The following CSNK1A1 variants were observed in gnomAD, a reference collection of about 807,000 sequenced individuals.
CSNK1A1 encodes the protein casein kinase I isoform alpha.
A neutral mutation model predicts 46.1 loss-of-function variants in CSNK1A1; 7 were observed. The ratio of observed to expected loss-of-function variants is 0.15; its 90% CI spans 0.09 to 0.29. The LOEUF (loss-of-function observed/expected upper bound fraction) is 0.29, where lower values mean the gene tolerates loss of function less well. CSNK1A1 is among the 10% of genes least tolerant of loss of function. CSNK1A1 has a pLI of 1.00. For synonymous variants in CSNK1A1, 137 were observed against 141.5 expected (o/e 0.97, Z 0.23); for missense variants, 96 against 417.1 (o/e 0.23, Z 6.71).
In CSNK1A1 at chr5:149,517,538, T is replaced by C. The variant is rs1761439579; in HGVS notation, c.456+2752A>G. Among the ~76,000 whole-genome samples the C allele has an allele frequency of 6.6e-6, 1 of 152,194 alleles. No individual in the cohort carries two copies. Among genetic ancestry groups the C allele is most frequent in the African/African-American group, 2.4e-5 (1 of 41,452 alleles). ...CAACATCATTTCCTCATATGTATGT[T>C]AGAGAGCTAAACATAATATCCTATT... is the stretch of plus-strand genomic sequence containing the variant. On this transcript the variant is annotated intron_variant, in intron 4 of 9. Transcript: ENST00000377843. The surrounding 1 kb of genome is among the most constrained non-coding windows in gnomAD (Gnocchi z 4.4).
intron 2 of CSNK1A1, among the ~76,000 whole-genome samples, chr5:149,535,194 T>C (rs1473445971): frequency 2.0e-5 from 3 of 152,158 alleles, no homozygotes; most frequent in Non-Finnish European, 4.4e-5. Context: ...AACAGCCCAT[T>C]ATCCTGACTC....
At chr5:149,529,686 G>C (rs971233693) in intron 2 of CSNK1A1, 1 of 456,134 alleles carries the variant, frequency 2.2e-6, no homozygotes. Context: ...CTGCAGTATA[G>C]GTTCTTCAGT....
At chr5:149,530,093 T>TA (rs951335661) in intron 2 of CSNK1A1, among the ~76,000 whole-genome samples, 51 of 148,738 alleles carry the variant, frequency 3.4e-4, no homozygotes, top group African/African-American at 6.4e-4. Flanking sequence ...AAAATAACAG[T>TA]AAAAAAAAAA....
chr5:149,499,548 A>C (rs934607469), intron 9 of CSNK1A1, among the ~76,000 whole-genome samples: 2 of 152,124 alleles, frequency 1.3e-5, no homozygotes, highest in Non-Finnish European at 2.9e-5. Flanking sequence ...GATCACTTAA[A>C]GCCAGGAGTT....
chr5:149,508,851 G>A (rs1302703761), intron 7 of CSNK1A1, among the ~76,000 whole-genome samples: 1 of 152,140 alleles, frequency 6.6e-6, no homozygotes, highest in African/African-American at 2.4e-5. Flanking sequence ...AGATTAGAGA[G>A]CCCTAACAAA....
At chr5:149,515,311 A>T (rs998095122) in intron 4 of CSNK1A1, among the ~76,000 whole-genome samples, 2 of 152,202 alleles carry the variant, frequency 1.3e-5, no homozygotes, top group African/African-American at 4.8e-5. Flanking sequence ...TCATGTCTAA[A>T]TCTACATTCA....
chr5:149,508,453 G>A (rs1761106555), intron 7 of CSNK1A1, among the ~76,000 whole-genome samples: 1 of 151,948 alleles, frequency 6.6e-6, no homozygotes, highest in Admixed American at 6.6e-5. Flanking sequence ...TTTGTATACT[G>A]CTTTGTACTT....
At chr5:149,541,160 T>C (rs1458194389) in intron 2 of CSNK1A1, among the ~76,000 whole-genome samples, 9 of 149,450 alleles carry the variant, frequency 6.0e-5, no homozygotes, top group African/African-American at 2.0e-4. Flanking sequence ...CCAATTTTGT[T>C]TTTTTTTTTT....
At position 149,525,293 on chromosome 5, in the gene CSNK1A1, C is replaced by T; in HGVS notation, c.231-122G>A. On this transcript the variant is annotated intron_variant, in intron 2 of 9. Transcript: ENST00000377843. The surrounding 1 kb of genome is among the most constrained non-coding windows in gnomAD (Gnocchi z 4.2). ...ATTATATAAGGCGAATGTTCCCCTA[C>T]TCAGAAGACAAACCCACTAATTAAC... is the stretch of plus-strand genomic sequence containing the variant. 9.7e-7 allele frequency: 1 copy of T among 1,028,914 alleles called. No homozygotes were observed. Among genetic ancestry groups the T allele is most frequent in the Non-Finnish European group, 1.3e-6 (1 of 748,606 alleles). 63.7% of individuals were successfully genotyped at this position (1,028,914 alleles called of 1,614,324 possible).
At chr5:149,527,782 T>C (rs1025124387) in intron 2 of CSNK1A1, among the ~76,000 whole-genome samples, 5 of 152,166 alleles carry the variant, frequency 3.3e-5, no homozygotes, top group African/African-American at 1.2e-4. Flanking sequence ...CCTAGGCTTT[T>C]AAGAAAACGA....
At chr5:149,548,937 G>C (rs1762569235) in intron 2 of CSNK1A1, among the ~76,000 whole-genome samples, 1 of 152,182 alleles carries the variant, frequency 6.6e-6, no homozygotes, top group South Asian at 2.1e-4. Context: ...ATTATTGCTG[G>C]AAAATAGCTG....
intron 7 of CSNK1A1, among the ~76,000 whole-genome samples, chr5:149,507,569 C>T (rs984011104): frequency 1.3e-5 from 2 of 152,080 alleles, no homozygotes; most frequent in Admixed American, 1.3e-4. Context: ...TCAAGCGATC[C>T]TCCAACCTCA....
At chr5:149,542,439 C>G (rs1357503745) in intron 2 of CSNK1A1, among the ~76,000 whole-genome samples, 1 of 142,096 alleles carries the variant, frequency 7.0e-6, no homozygotes, top group Non-Finnish European at 1.5e-5. Flanking sequence ...CCCACCCCCA[C>G]CCCACCCCCT....
intron 2 of CSNK1A1, among the ~76,000 whole-genome samples, chr5:149,547,204 T>C (rs1762509551): frequency 6.6e-6 from 1 of 152,202 alleles, no homozygotes; most frequent in South Asian, 2.1e-4. Flanking sequence ...AAGCCTTAAC[T>C]TGAAAGTCAG....
chr5:149,500,783 T>G (rs1034745532), intron 9 of CSNK1A1, among the ~76,000 whole-genome samples: 8 of 150,716 alleles, frequency 5.3e-5, no homozygotes, highest in East Asian at 4.0e-4. Context: ...TAAATCAGAT[T>G]GGCAGTATCT....
rs1294537230 is a variant in CSNK1A1, at chr5:149,495,788, C to T, written c.*1065G>A. The T allele has an allele frequency of 6.6e-6, 1 of 151,270 alleles. No individual in the cohort carries two copies. The highest frequency in any genetic ancestry group is 2.4e-5 in the African/African-American group (1 of 41,110). The allele number at this position is 151,270 out of a possible 1,614,324, so 9.4% of individuals were successfully genotyped here. ...AGAAAAAAATGAAAGAATGCCTTTC[C>T]CCTTCAGACAAAAGAATTACTTTTT... On this transcript the variant is annotated 3_prime_UTR_variant, in exon 10 of 10. Transcript: ENST00000377843.
At position 149,495,439 on chromosome 5, in the gene CSNK1A1, CAGAGAA is replaced by C. The variant is rs1322484408; in HGVS notation, c.*1408_*1413del. The C allele has an allele frequency of 1.3e-5, 2 of 151,730 alleles. No homozygotes were observed. The highest frequency in any genetic ancestry group is 4.2e-4 in the South Asian group (2 of 4,810). The allele number at this position is 151,730 out of a possible 1,614,324, so 9.4% of individuals were successfully genotyped here. ...CAGTAAGTTTTCCTTTCTCATGGGT[CAGAGAA>C]AAAGAAATGAGCGTGCAAAGAAGAT... is the stretch of plus-strand genomic sequence containing the variant. On this transcript the variant is annotated 3_prime_UTR_variant, in exon 10 of 10. Coordinates refer to ENST00000377843, the MANE Select transcript of CSNK1A1 (RefSeq NM_001892.6).
intron 4 of CSNK1A1, among the ~76,000 whole-genome samples, chr5:149,518,562 A>T (rs1761465268): frequency 6.6e-6 from 1 of 152,148 alleles, no homozygotes; most frequent in East Asian, 1.9e-4. Context: ...ACAAAACACT[A>T]ATCTAAAATG....
chr5:149,503,402 T>C, intron 9 of CSNK1A1: 1 of 985,442 alleles, frequency 1.0e-6, no homozygotes, highest in Non-Finnish European at 1.2e-6. Flanking sequence ...AAGAAGTCTG[T>C]GTTCTGTGAA....
Sources: gnomAD v4.1 joint callset for allele counts (sites outside exome capture counted in the v4.1 genomes callset) on GRCh38, gnomAD v4.1.1 for gene constraint, Gnocchi (gnomAD v3.1) non-coding constraint, MANE v1.5 for transcripts, NCBI Gene and HGNC (gene_info 2026-07-23, HGNC 2026-07-21) for gene names.